The following AGMAT variants were observed in gnomAD, a reference collection of about 807,000 sequenced individuals.
The protein encoded by AGMAT is guanidino acid hydrolase, mitochondrial.
AGMAT carries 37 observed loss-of-function variants against 29.3 expected under a neutral mutation model. That is an observed-to-expected ratio of 1.26 (90% CI 0.97 to 1.66). The LOEUF (loss-of-function observed/expected upper bound fraction) is 1.66, where lower values mean the gene tolerates loss of function less well. Ranked by LOEUF, AGMAT falls within the 40% of genes most tolerant of loss-of-function variation. AGMAT has a pLI of 0.00. For missense variants in AGMAT, 498 were observed against 497.8 expected, an observed-to-expected ratio of 1.00 and a Z score of 0.00; for synonymous variants, 199 against 200.8, an observed-to-expected ratio of 0.99 and a Z score of 0.08.
Position 15,577,728 on chromosome 1 carries a change from G to T in AGMAT, c.857C>A (p.Pro286Gln), listed in dbSNP as rs1383930370. The change falls in exon 5 of 7, where the codon CCA becomes CAA. Residue 286 changes from proline to glutamine, a missense_variant. Transcript: ENST00000375826. ...AGCAATTTCAGGTGTCCCTGTCCCT[G>T]GCGCATAGGCAGGATCCAGAGCGTC... The part of the protein sequence containing the change: ...DIDALDPAYA[P>Q]GTGTPEIAGL... The T allele has an allele frequency of 6.2e-6, 10 of 1,613,998 alleles. No individual in the cohort carries two copies. Among genetic ancestry groups the T allele is most frequent in the African/African-American group, 1.3e-5 (1 of 74,920 alleles).
chr1:15,582,505 C>A (rs1324121076), intron 2 of AGMAT, among the ~76,000 whole-genome samples: 1 of 152,116 alleles, frequency 6.6e-6, no homozygotes, highest in South Asian at 2.1e-4. Context: ...GCCATGCAGG[C>A]TAGGCTCTCT....
chr1:15,579,823 CCAAA>C (rs1260885535), intron 3 of AGMAT, among the ~76,000 whole-genome samples: 1 of 152,144 alleles, frequency 6.6e-6, no homozygotes, highest in Non-Finnish European at 1.5e-5. Flanking sequence ...GGCTCATCTT[CCAAA>C]AACAGAAGCA....
Position 15,578,836 on chromosome 1 carries a change from G to C in AGMAT, c.720+23C>G, listed in dbSNP as rs372933323. The C allele has an allele frequency of 1.6e-5, 25 of 1,610,818 alleles. No homozygotes were observed. The African/African-American group carries it at 2.8e-4, about 18-fold the overall frequency. ...GAGGAAGACATTTTGAGGGGCAAGG[G>C]TGGGGGGCATTCGGTCTGTCACCTG... On this transcript the variant is annotated intron_variant, in intron 4 of 6. Coordinates refer to ENST00000375826, the MANE Select transcript of AGMAT (RefSeq NM_024758.5).
chr1:15,574,874 G>T, intron 5 of AGMAT, 33 bp from the exon 6 acceptor site: 1 of 1,570,440 alleles, frequency 6.4e-7, no homozygotes, highest in Non-Finnish European at 8.8e-7. Flanking sequence ...TGTCCACAGT[G>T]GTAATCATTT....
rs570736688 is a variant in AGMAT, at chr1:15,582,130, A to G, written c.475+1063T>C. 4.7e-5 allele frequency among the ~76,000 whole-genome samples: 7 copies of G among 148,854 alleles called. No homozygotes were observed. In the South Asian group the frequency reaches 1.5e-3, roughly 32 times the overall value. ...CTAAAAATATAAAAATTAGCCGGGC[A>G]TGCTGGCGGGCGCCTATAATCCCAG... On this transcript the variant is annotated intron_variant, in intron 2 of 6. Transcript: ENST00000375826.
rs1320435038 is a variant in AGMAT at position 15,584,932 on chromosome 1, G to A, written c.36C>T (p.Gly12=). ...LRLLASGCAR[G]PGPGVGARPA... ...GACGCGCGCCCACGCCGGGCCCCGG[G>A]CCCCGGGCGCACCCGGACGCCAGCA... Residue 12 remains glycine, a synonymous_variant, in exon 1 of 7, where the codon GGC becomes GGT. Coordinates refer to ENST00000375826, the MANE Select transcript of AGMAT (RefSeq NM_024758.5). The A allele has an allele frequency of 7.3e-6, 10 of 1,369,698 alleles. No homozygotes were observed. The highest frequency in any genetic ancestry group is 1.5e-5 in the African/African-American group (1 of 65,386). 84.8% of individuals were successfully genotyped at this position (1,369,698 alleles called of 1,614,324 possible).
Position 15,573,484 on chromosome 1 carries a change from G to T in AGMAT, c.*167C>A. On this transcript the variant is annotated 3_prime_UTR_variant, in exon 7 of 7. Transcript: ENST00000375826. Reference sequence around the variant, plus strand: ...ATCCAAGTTCCTTAGAAATGTTGCTGTTTGGGTGAGAATTCTACTGATTAT... The same window carrying T: ...ATCCAAGTTCCTTAGAAATGTTGCTTTTTGGGTGAGAATTCTACTGATTAT... 1 of 569,524 alleles carries T rather than the reference G, an allele frequency of 1.8e-6. No homozygotes were observed. Among genetic ancestry groups the T allele is most frequent in the Non-Finnish European group, 3.2e-6 (1 of 314,644 alleles). The allele number at this position is 569,524 out of a possible 1,614,324, so 35.3% of individuals were successfully genotyped here. A position where few individuals can be genotyped will look rare whatever the true frequency, so the allele number is the denominator to read the frequency against.
chr1:15,574,729 A>G (rs758830750), intron 6 of AGMAT, 28 bp downstream of exon 6: 5 of 1,595,830 alleles, frequency 3.1e-6, no homozygotes, highest in Non-Finnish European at 4.3e-6. Context: ...CCGGCTGCCC[A>G]TGGATCTCAG....
At chr1:15,580,929 C>T (rs905068553) in intron 2 of AGMAT, among the ~76,000 whole-genome samples, 10 of 151,904 alleles carry the variant, frequency 6.6e-5, no homozygotes, top group Non-Finnish European at 7.4e-5. Context: ...GAGCCAAGAT[C>T]GCGCCACTGC....
At chr1:15,583,041 T>C in intron 2 of AGMAT, 152 bp downstream of exon 2, 1 of 707,708 alleles carries the variant, frequency 1.4e-6, no homozygotes, top group Non-Finnish European at 2.3e-6. Context: ...TCCCCAGGGA[T>C]TAAAATAAAT....
In AGMAT at chr1:15,574,980, A is replaced by G. The variant is rs559322657; in HGVS notation, c.901-139T>C. The G allele has an allele frequency of 2.9e-5, 18 of 627,338 alleles. 1 individual carries two copies. The South Asian group carries it at 3.2e-4, about 11-fold the overall frequency. The allele number at this position is 627,338 out of a possible 1,614,324, so 38.9% of individuals were successfully genotyped here. A position where few individuals can be genotyped will look rare whatever the true frequency, so the allele number is the denominator to read the frequency against. ...CATAAACATTTGTTGACTGCCAGGC[A>G]CACTGGCAGGCCTCCCAGAGAAACA... On this transcript the variant is annotated intron_variant, in intron 5 of 6. Transcript: ENST00000375826.
rs560322313 is a variant in AGMAT, at chr1:15,572,146, GAAAA to G, written c.*1501_*1504del. On this transcript the variant is annotated 3_prime_UTR_variant, in exon 7 of 7. Transcript: ENST00000375826. Reference sequence around the variant, plus strand: ...GGGGACAGAGCGAGACTCCATCTCAGAAAAAAAAAAAAAAAAAAAAGCCCAGCTG... The same window carrying G: ...GGGGACAGAGCGAGACTCCATCTCAGAAAAAAAAAAAAAAAAGCCCAGCTG... Among the ~76,000 whole-genome samples, 3 of 63,746 alleles carry G rather than the reference GAAAA, an allele frequency of 4.7e-5. No homozygotes were observed. The highest frequency in any genetic ancestry group is 6.1e-5 in the Non-Finnish European group (2 of 32,908). The allele number at this position is 63,746 out of a possible 152,430, so 41.8% of individuals were successfully genotyped here. A position where few individuals can be genotyped will look rare whatever the true frequency, so the allele number is the denominator to read the frequency against.
rs1297304503 is a variant in AGMAT at position 15,576,986 on chromosome 1, G to A, written c.900+699C>T. 5.3e-5 allele frequency among the ~76,000 whole-genome samples: 8 copies of A among 150,320 alleles called. No individual in the cohort carries two copies. The South Asian group carries it at 8.4e-4, about 16-fold the overall frequency. ...AAGATGGTCTCGATCTCCTGACCTC[G>A]TGATCCACCCACCTCAGCCTCCCAA... is the stretch of plus-strand genomic sequence containing the variant. On this transcript the variant is annotated intron_variant, in intron 5 of 6. Coordinates refer to ENST00000375826, the MANE Select transcript of AGMAT (RefSeq NM_024758.5).
chr1:15,578,974 C>G lies in AGMAT; in HGVS notation c.605G>C (p.Gly202Ala), dbSNP rs1639077108. Residue 202 changes from glycine to alanine, a missense_variant, in exon 4 of 7, where the codon GGG (glycine) becomes GCG (alanine). Transcript: ENST00000375826. ...DKALGEKLYH[G>A]APFRRCVDEG... is the part of the protein sequence containing the mutation. ...ATCCACACACCGGCGGAAGGGCGCCCCGTGGTAGAGCTTCTCTCCTAGGGC... is the reference window on the plus strand; with the variant it reads ...ATCCACACACCGGCGGAAGGGCGCCGCGTGGTAGAGCTTCTCTCCTAGGGC... 5 of 1,614,152 alleles carry G rather than the reference C, an allele frequency of 3.1e-6. No homozygotes were observed. Among genetic ancestry groups the G allele is most frequent in the Non-Finnish European group, 3.4e-6 (4 of 1,180,032 alleles).
intron 3 of AGMAT, 69 bp downstream of exon 3, chr1:15,580,025 C>T (rs892085572): frequency 6.9e-7 from 1 of 1,459,780 alleles, no homozygotes; most frequent in African/African-American, 1.4e-5. Context: ...TGCCACCAAA[C>T]AGCAAATAAC....
At chr1:15,578,834 G>T in intron 4 of AGMAT, 25 bp downstream of exon 4, 1 of 1,609,496 alleles carries the variant, frequency 6.2e-7, no homozygotes, top group Non-Finnish European at 8.5e-7. Context: ...TGAGGGGCAA[G>T]GGTGGGGGGC....
Position 15,576,740 on chromosome 1 carries a change from C to CT in AGMAT, c.900+944dup, listed in dbSNP as rs59203066. On this transcript the variant is annotated intron_variant, in intron 5 of 6. Coordinates refer to ENST00000375826, the MANE Select transcript of AGMAT (RefSeq NM_024758.5). ...ACGACACCTGGCCAAGTTTAGTGTT[C>CT]TTTTTTTTTTTTTTTTTTTTTTTTT... Among the ~76,000 whole-genome samples the CT allele has an allele frequency of 3.6e-3, 130 of 35,794 alleles. 19 individuals carry two copies. Among genetic ancestry groups the CT allele is most frequent in the Admixed American group, 0.011 (22 of 1,984 alleles). The allele number at this position is 35,794 out of a possible 152,430, so 23.5% of individuals were successfully genotyped here.
chr1:15,573,874 G>A lies in AGMAT; in HGVS notation c.986-150C>T, dbSNP rs947912340. ...TAGGGTGCCCGCCAGCTGTGAACAC[G>A]CTTGCCCAGGCTCTCTGCCTCCATC... On this transcript the variant is annotated intron_variant, in intron 6 of 6. Coordinates refer to ENST00000375826, the MANE Select transcript of AGMAT (RefSeq NM_024758.5). The A allele has an allele frequency of 8.3e-6, 5 of 604,384 alleles. No individual in the cohort carries two copies. In the South Asian group the frequency reaches 8.4e-5, roughly 10 times the overall value. 37.4% of individuals were successfully genotyped at this position (604,384 alleles called of 1,614,324 possible).
rs1450851340 is a variant in AGMAT, at chr1:15,574,858, C to G, written c.901-17G>C. ...CTCCAGAGCCTATTCAAGATCAAGA[C>G]TGAGTTGTCCACAGTGGTAATCATT... On this transcript the variant is annotated splice_polypyrimidine_tract_variant and intron_variant, in intron 5 of 6. Coordinates refer to ENST00000375826, the MANE Select transcript of AGMAT (RefSeq NM_024758.5). 2.5e-6 allele frequency: 4 copies of G among 1,602,940 alleles called. No individual in the cohort carries two copies. The highest frequency in any genetic ancestry group is 3.4e-6 in the Non-Finnish European group (4 of 1,170,182).
Sources: gnomAD v4.1 joint callset for allele counts (sites outside exome capture counted in the v4.1 genomes callset) on GRCh38, gnomAD v4.1.1 for gene constraint, MANE v1.5 for transcripts, NCBI Gene and HGNC (gene_info 2026-07-23, HGNC 2026-07-21) for gene names.